The following RAF1 variants were observed in gnomAD, a reference collection of about 807,000 sequenced individuals.
RAF1 encodes RAF proto-oncogene serine/threonine-protein kinase.
RAF1 carries 27 observed loss-of-function variants against 81.1 expected under a neutral mutation model. The observed-to-expected ratio is 0.33, with a 90% CI of 0.25 to 0.46. The LOEUF is 0.46. RAF1 is among the 20% of genes least tolerant of loss of function. RAF1 has a pLI of 1.00. For synonymous variants in RAF1, 298 were observed against 294.0 expected, an observed-to-expected ratio of 1.01 and a Z score of -0.14; for missense variants, 598 against 826.0, an observed-to-expected ratio of 0.72 and a Z score of 3.38.
intron 11 of RAF1, among the ~76,000 whole-genome samples, chr3:12,598,742 A>AAC (rs1553612708): frequency 1.9e-4 from 28 of 149,194 alleles, no homozygotes; most frequent in African/African-American, 5.7e-4. Context: ...AAAAAAAAAA[A>AAC]AAAAAAAAAA....
At chr3:12,617,878 C>CAAAAAAAAA (rs1263362287) in intron 2 of RAF1, among the ~76,000 whole-genome samples, 6 of 90,078 alleles carry the variant, frequency 6.7e-5, no homozygotes, top group East Asian at 2.6e-4. Context: ...GAATCCGTCT[C>CAAAAAAAAA]AAAAAAAAAA....
Position 12,603,637 on chromosome 3 carries a change from C to A in RAF1, c.835-100G>T. On this transcript the variant is annotated intron_variant, in intron 7 of 17. Transcript: ENST00000442415. The stretch of plus-strand genomic sequence containing the variant: ...AGATGAAGCAGAAAGCAAATTAAAC[C>A]AATAGGACATAACCAAAAAGCCAAG... 3 of 598,376 alleles carry A rather than the reference C, an allele frequency of 5.0e-6. No individual in the cohort carries two copies. The South Asian group carries it at 6.1e-5, about 12-fold the overall frequency. 37.1% of individuals were successfully genotyped at this position (598,376 alleles called of 1,614,324 possible).
At chr3:12,607,090 G>A (rs573499672) in intron 5 of RAF1, among the ~76,000 whole-genome samples, 1 of 152,156 alleles carries the variant, frequency 6.6e-6, no homozygotes, top group Non-Finnish European at 1.5e-5. Context: ...GTCACACACA[G>A]CTTCTCTGGA....
chr3:12,650,038 C>G (rs900812002), intron 1 of RAF1, among the ~76,000 whole-genome samples: 1 of 144,310 alleles, frequency 6.9e-6, no homozygotes, highest in Admixed American at 7.3e-5. Flanking sequence ...CCCAGCTACT[C>G]GGGAGGCTGA....
chr3:12,598,068 A>T (rs1395954520), intron 11 of RAF1, among the ~76,000 whole-genome samples: 2 of 141,278 alleles, frequency 1.4e-5, no homozygotes, highest in South Asian at 2.3e-4. Context: ...GGAGTACAGT[A>T]GTGTGTACTC....
intron 1 of RAF1, among the ~76,000 whole-genome samples, chr3:12,656,799 C>T (rs1012536769): frequency 1.3e-5 from 2 of 152,084 alleles, no homozygotes; most frequent in Admixed American, 6.6e-5. Flanking sequence ...GAGTTCAAGA[C>T]CAGTCTGGCC....
chr3:12,618,456 CT>C (rs1400799145), intron 2 of RAF1, 58 bp downstream of exon 2: 126 of 1,562,384 alleles, frequency 8.1e-5, no homozygotes, highest in Non-Finnish European at 1.1e-4. Context: ...GAACATGATC[CT>C]TAATGTGCTC....
chr3:12,591,600 CCTAA>C, intron 12 of RAF1, 104 bp downstream of exon 11: 2 of 928,388 alleles, frequency 2.2e-6, no homozygotes, highest in Non-Finnish European at 3.5e-6. Context: ...CACAGTGAGT[CCTAA>C]CTGCCTGCCC....
At chr3:12,617,891 AAGAAAAG>A (rs1276603519) in intron 2 of RAF1, among the ~76,000 whole-genome samples, 1 of 146,538 alleles carries the variant, frequency 6.8e-6, no homozygotes, top group African/African-American at 2.5e-5. Flanking sequence ...AAAAAAAAAA[AAGAAAAG>A]AAAAAGAAAA....
intron 1 of RAF1, among the ~76,000 whole-genome samples, chr3:12,653,956 C>T (rs774426745): frequency 2.6e-5 from 4 of 151,568 alleles, no homozygotes; most frequent in Middle Eastern, 3.4e-3. Context: ...CTGCGACTGC[C>T]GGCCATTTCA....
At chr3:12,593,485 G>A (rs944653391) in intron 11 of RAF1, among the ~76,000 whole-genome samples, 17 of 150,952 alleles carry the variant, frequency 1.1e-4, no homozygotes, top group South Asian at 2.1e-4. Flanking sequence ...AAGTTTCAAC[G>A]AGTCCCCATG....
intron 1 of RAF1, among the ~76,000 whole-genome samples, chr3:12,619,350 G>C (rs984458809): frequency 5.9e-5 from 9 of 151,918 alleles, no homozygotes; most frequent in African/African-American, 2.2e-4. Context: ...CATCACTTGA[G>C]GCCAGGAGTT....
chr3:12,661,113 T>C (rs2060863529), intron 1 of RAF1, among the ~76,000 whole-genome samples: 1 of 152,188 alleles, frequency 6.6e-6, no homozygotes, highest in South Asian at 2.1e-4. Flanking sequence ...CTGAATGTTC[T>C]TCAGTGGTAT....
chr3:12,626,128 G>A (rs2059694452), intron 1 of RAF1, among the ~76,000 whole-genome samples: 1 of 151,206 alleles, frequency 6.6e-6, no homozygotes, highest in African/African-American at 2.4e-5. Flanking sequence ...TTAGCCAAGC[G>A]TGGTGGTGCG....
At chr3:12,606,067 G>C (rs2059018709) in intron 6 of RAF1, 134 bp downstream of exon 6, 1 of 670,358 alleles carries the variant, frequency 1.5e-6, no homozygotes, top group Non-Finnish European at 2.7e-6. Flanking sequence ...CCAGTATCAA[G>C]TTCCACAGAA....
At chr3:12,644,606 TTAGCAAGGGC>T (rs1236941014) in intron 1 of RAF1, among the ~76,000 whole-genome samples, 1 of 152,212 alleles carries the variant, frequency 6.6e-6, no homozygotes, top group Non-Finnish European at 1.5e-5. Context: ...ATCCTTTTGC[TTAGCAAGGGC>T]TAGCAGTCAA....
chr3:12,650,862 G>A (rs1462432799), intron 1 of RAF1, among the ~76,000 whole-genome samples: 2 of 152,180 alleles, frequency 1.3e-5, no homozygotes, highest in East Asian at 1.9e-4. Flanking sequence ...CTGAAATGTG[G>A]TAAGGTCACT....
At chr3:12,592,636 C>G (rs1189508737) in intron 11 of RAF1, among the ~76,000 whole-genome samples, 1 of 151,932 alleles carries the variant, frequency 6.6e-6, no homozygotes, top group Non-Finnish European at 1.5e-5. Flanking sequence ...ACACTGACAA[C>G]TGATTGTCAA....
At chr3:12,625,346 G>A (rs2059673067) in intron 1 of RAF1, among the ~76,000 whole-genome samples, 2 of 152,124 alleles carry the variant, frequency 1.3e-5, no homozygotes. Flanking sequence ...GCCTCCCAAA[G>A]TGCTGGGATT....
Sources: gnomAD v4.1 joint callset for allele counts (sites outside exome capture counted in the v4.1 genomes callset) on GRCh38, gnomAD v4.1.1 for gene constraint, MANE v1.5 for transcripts, NCBI Gene and HGNC (gene_info 2026-07-23, HGNC 2026-07-21) for gene names.